SNX13: variants seen among roughly 807,000 people sequenced by gnomAD.
SNX13 encodes sorting nexin-13.
In SNX13, 45 loss-of-function variants were observed where a neutral mutation model predicts 133.6. The observed-to-expected ratio is 0.34, with a 90% CI of 0.27 to 0.43. SNX13 has a LOEUF of 0.43. Ranked by LOEUF, SNX13 falls within the 20% of genes least tolerant of loss-of-function variation. The pLI, the probability that SNX13 is intolerant of heterozygous loss-of-function variation, is 1.00. For missense variants in SNX13, 1,032 were observed against 1,145.1 expected (o/e 0.90, Z 1.43); for synonymous variants, 414 against 373.9 (o/e 1.11, Z -1.24).
At chr7:17,844,852 A>G (rs1357105287) in intron 12 of SNX13, among the ~76,000 whole-genome samples, 2 of 152,108 alleles carry the variant, frequency 1.3e-5, no homozygotes, top group African/African-American at 4.8e-5. Context: ...CATTTTCATG[A>G]CAAAAACACT....
intron 17 of SNX13, among the ~76,000 whole-genome samples, chr7:17,823,745 C>T (rs1787564430): frequency 6.6e-6 from 1 of 152,092 alleles, no homozygotes; most frequent in Non-Finnish European, 1.5e-5. Flanking sequence ...AGAGAACCAC[C>T]ATTTCTCAAT....
In SNX13 at chr7:17,850,454, T is replaced by C. The variant is rs917020807; in HGVS notation, c.977-19A>G. On this transcript the variant is annotated intron_variant, in intron 10 of 25. Coordinates refer to ENST00000428135, the MANE Select transcript of SNX13 (RefSeq NM_015132.5). ...TTGATATCTAAAAGCAAAGAAATCATGAACTAGAAAGTGGTAGTGTTATTT... is the reference window on the plus strand; with the variant it reads ...TTGATATCTAAAAGCAAAGAAATCACGAACTAGAAAGTGGTAGTGTTATTT... The C allele has an allele frequency of 1.9e-5, 27 of 1,434,948 alleles. No individual in the cohort carries two copies. Among genetic ancestry groups the C allele is most frequent in the South Asian group, 2.7e-5 (2 of 74,578 alleles). 88.9% of individuals were successfully genotyped at this position (1,434,948 alleles called of 1,614,324 possible). A position where few individuals can be genotyped will look rare whatever the true frequency, so the allele number is the denominator to read the frequency against.
chr7:17,931,936 G>A (rs1242472030), intron 1 of SNX13, among the ~76,000 whole-genome samples: 2 of 152,180 alleles, frequency 1.3e-5, no homozygotes, highest in South Asian at 4.1e-4. Context: ...ATTGAACAGA[G>A]ACGCATTTTA....
chr7:17,808,104 G>A (rs1785533009), intron 20 of SNX13, among the ~76,000 whole-genome samples: 1 of 152,196 alleles, frequency 6.6e-6, no homozygotes, highest in Non-Finnish European at 1.5e-5. Flanking sequence ...GATGGAGAAT[G>A]AGATTGACAA....
At chr7:17,937,422 GAGAAT>G (rs1802230022) in intron 1 of SNX13, among the ~76,000 whole-genome samples, 1 of 149,196 alleles carries the variant, frequency 6.7e-6, no homozygotes, top group African/African-American at 2.5e-5. Flanking sequence ...GCTGAAGCAC[GAGAAT>G]AGTTTGAACC....
In SNX13 at chr7:17,805,250, T is replaced by TGTGCGCGC; in HGVS notation, c.2065-1671_2065-1670insGCGCGCAC. ...GTGTGTGTGTGTGTGTGTGTGTGTG[T>TGTGCGCGC]GCGTGCGCGCGCGCGCATGCATGCA... On this transcript the variant is annotated intron_variant, in intron 20 of 25. Transcript: ENST00000428135. 1.4e-3 allele frequency among the ~76,000 whole-genome samples: 131 copies of TGTGCGCGC among 95,602 alleles called. 1 individual carries two copies. Among genetic ancestry groups the TGTGCGCGC allele is most frequent in the Non-Finnish European group, 1.7e-3 (67 of 39,436 alleles). 62.7% of individuals were successfully genotyped at this position (95,602 alleles called of 152,430 possible).
chr7:17,923,234 C>A (rs563842685), intron 1 of SNX13, among the ~76,000 whole-genome samples: 46 of 152,166 alleles, frequency 3.0e-4, no homozygotes, highest in Admixed American at 1.2e-3. Flanking sequence ...GAAAGTTGGT[C>A]CAAATTGTGG....
intron 1 of SNX13, among the ~76,000 whole-genome samples, chr7:17,936,227 G>C (rs1419194729): frequency 2.0e-5 from 3 of 152,092 alleles, no homozygotes; most frequent in Non-Finnish European, 4.4e-5. Flanking sequence ...ACTTTCTTTA[G>C]GCAAATATCC....
chr7:17,830,703 T>C, intron 15 of SNX13: 1 of 979,570 alleles, frequency 1.0e-6, no homozygotes, highest in Non-Finnish European at 1.2e-6. Context: ...ACAACAATCT[T>C]TTCCCTTAGA....
chr7:17,884,481 C>T (rs1452217104), intron 5 of SNX13, among the ~76,000 whole-genome samples: 1 of 152,078 alleles, frequency 6.6e-6, no homozygotes, highest in Non-Finnish European at 1.5e-5. Flanking sequence ...GTTTTTTCAA[C>T]TATAGATAAC....
intron 9 of SNX13, among the ~76,000 whole-genome samples, chr7:17,852,265 T>TA (rs948056482): frequency 1.3e-5 from 2 of 151,988 alleles, no homozygotes; most frequent in African/African-American, 4.8e-5. Flanking sequence ...TCCCAGCTAC[T>TA]AGGAAGGTAA....
Position 17,793,622 on chromosome 7 carries a change from ACTC to A in SNX13, c.*420_*422del, listed in dbSNP as rs1473990839. 1 of 153,880 alleles carries A rather than the reference ACTC, an allele frequency of 6.5e-6. No homozygotes were observed. Among genetic ancestry groups the A allele is most frequent in the Non-Finnish European group, 1.4e-5 (1 of 69,334 alleles). 9.5% of individuals were successfully genotyped at this position (153,880 alleles called of 1,614,324 possible). On this transcript the variant is annotated 3_prime_UTR_variant, in exon 26 of 26. Coordinates refer to ENST00000428135, the MANE Select transcript of SNX13 (RefSeq NM_015132.5). ...CCTACAAAATCATTATGCCAAACAA[ACTC>A]CTCCAAGTCGTACATTGCACAGTCT...
intron 22 of SNX13, 108 bp downstream of exon 22, chr7:17,801,480 C>T (rs1301907999): frequency 1.3e-6 from 1 of 780,822 alleles, no homozygotes; most frequent in Non-Finnish European, 2.0e-6. Flanking sequence ...AAGCTTAACA[C>T]TTATAATATG....
intron 1 of SNX13, among the ~76,000 whole-genome samples, chr7:17,934,403 G>A (rs920704459): frequency 6.6e-6 from 1 of 152,182 alleles, no homozygotes; most frequent in Admixed American, 6.5e-5. Flanking sequence ...ACTATATTAA[G>A]GAATACCTAA....
chr7:17,814,695 G>A (rs911110411), intron 20 of SNX13, 139 bp downstream of exon 20: 1 of 626,342 alleles, frequency 1.6e-6, no homozygotes, highest in African/African-American at 2.0e-5. Flanking sequence ...CCTACCAATA[G>A]TGATAAACAT....
intron 12 of SNX13, among the ~76,000 whole-genome samples, chr7:17,841,615 G>C (rs1362275446): frequency 7.0e-6 from 1 of 143,102 alleles, no homozygotes; most frequent in Non-Finnish European, 1.5e-5. Flanking sequence ...CAAAGTACAT[G>C]GCAAGTGTGG....
intron 1 of SNX13, among the ~76,000 whole-genome samples, chr7:17,933,112 A>T (rs1801588716): frequency 6.6e-6 from 1 of 152,228 alleles, no homozygotes; most frequent in Admixed American, 6.5e-5. Context: ...CATTATCCTT[A>T]ATAACAGCTT....
chr7:17,861,332 TACAGTTATCTCACACA>T (rs1562793567), intron 9 of SNX13, among the ~76,000 whole-genome samples: 12 of 130,240 alleles, frequency 9.2e-5, no homozygotes, highest in South Asian at 2.7e-4. Context: ...TTATCACACA[TACAGTTATCTCACACA>T]CACACACACA....
chr7:17,881,659 A>G (rs1476723164), intron 5 of SNX13: 1 of 152,062 alleles, frequency 6.6e-6, no homozygotes, highest in Admixed American at 6.5e-5. Context: ...TGAAAGAAAA[A>G]AATTCCTTCT....
Sources: allele counts gnomAD v4.1 joint callset (sites outside exome capture counted in the v4.1 genomes callset), GRCh38; gene constraint gnomAD v4.1.1; transcripts MANE v1.5; gene names NCBI Gene and HGNC (gene_info 2026-07-23, HGNC 2026-07-21).